The following DYRK4 variants were observed in gnomAD, a reference collection of about 807,000 sequenced individuals.
DYRK4 encodes dual specificity tyrosine phosphorylation regulated kinase 4.
DYRK4 carries 64 observed loss-of-function variants against 68.3 expected under a neutral mutation model. That is an observed-to-expected ratio of 0.94 (90% confidence interval 0.77 to 1.15). The LOEUF (loss-of-function observed/expected upper bound fraction) is 1.15. DYRK4 is among the 50% of genes most tolerant of loss of function. DYRK4 has a pLI of 0.00. For synonymous variants in DYRK4, 274 were observed against 289.9 expected (o/e 0.95, Z 0.56); for missense variants, 740 against 764.7 (o/e 0.97, Z 0.38).
intron 2 of DYRK4, among the ~76,000 whole-genome samples, chr12:4,576,668 C>T (rs890321300): frequency 2.0e-5 from 3 of 152,176 alleles, no homozygotes; most frequent in South Asian, 2.1e-4. Context: ...CACCTCCTTG[C>T]CAGCATTTGG....
intron 10 of DYRK4, chr12:4,603,399 C>A: frequency 2.2e-6 from 1 of 447,694 alleles, no homozygotes. Flanking sequence ...TCTTTTGAAT[C>A]AGTCTCTTTA....
intron 10 of DYRK4, 156 bp from the exon 11 acceptor site, chr12:4,604,758 C>A: frequency 2.6e-6 from 2 of 777,806 alleles, no homozygotes; most frequent in Non-Finnish European, 3.7e-6. Context: ...GGATTTGATG[C>A]TGTGATGGTG....
chr12:4,592,820 C>T (rs1200473959), intron 5 of DYRK4, 182 bp from the exon 6 acceptor site: 8 of 620,888 alleles, frequency 1.3e-5, no homozygotes, highest in Non-Finnish European at 2.2e-5. Context: ...AAATACAAGA[C>T]CTTGACATTT....
intron 11 of DYRK4, 91 bp downstream of exon 11, chr12:4,605,177 C>T: frequency 8.6e-7 from 1 of 1,169,482 alleles, no homozygotes; most frequent in Non-Finnish European, 1.2e-6. Flanking sequence ...GGACCATGGC[C>T]TGCATACCTT....
chr12:4,583,998 T>C (rs1944869541), intron 2 of DYRK4, among the ~76,000 whole-genome samples: 2 of 152,168 alleles, frequency 1.3e-5, no homozygotes, highest in African/African-American at 2.4e-5. Flanking sequence ...GGCTGGCACA[T>C]TGTGGAAAGC....
At chr12:4,588,753 G>C (rs573030807) in intron 2 of DYRK4, among the ~76,000 whole-genome samples, 184 bp from the exon 3 acceptor site, 62 of 152,176 alleles carry the variant, frequency 4.1e-4, no homozygotes, top group Non-Finnish European at 6.9e-4. Context: ...AAGATCATTT[G>C]TTTGGATAAT....
chr12:4,590,467 G>A (rs2137361548), intron 4 of DYRK4, 27 bp downstream of exon 4: 2 of 1,532,546 alleles, frequency 1.3e-6, no homozygotes, highest in South Asian at 1.2e-5. Context: ...TGGACCCTGA[G>A]AAGGCAGGTG....
At chr12:4,597,916 A>G (rs922604875) in intron 8 of DYRK4, among the ~76,000 whole-genome samples, 9 of 151,798 alleles carry the variant, frequency 5.9e-5, no homozygotes, top group Non-Finnish European at 1.2e-4. Flanking sequence ...CTCTACTAAA[A>G]ATAGCCGGGC....
intron 1 of DYRK4, among the ~76,000 whole-genome samples, chr12:4,563,373 C>T (rs1944647765): frequency 6.6e-6 from 1 of 152,204 alleles, no homozygotes; most frequent in South Asian, 2.1e-4. Flanking sequence ...ATATTGTTGC[C>T]TGCAACTTGG....
chr12:4,598,745 A>G (rs895616455), intron 8 of DYRK4, among the ~76,000 whole-genome samples: 4 of 152,158 alleles, frequency 2.6e-5, no homozygotes, highest in African/African-American at 9.7e-5. Context: ...ACTATTTCAG[A>G]AGTTTGGGCC....
intron 2 of DYRK4, among the ~76,000 whole-genome samples, chr12:4,573,932 A>G (rs1317764388): frequency 6.6e-6 from 1 of 152,204 alleles, no homozygotes; most frequent in East Asian, 1.9e-4. Context: ...AGGTTTTAAG[A>G]AAGCAGTCCC....
intron 8 of DYRK4, chr12:4,596,985 A>C: frequency 7.5e-7 from 1 of 1,327,684 alleles, no homozygotes; most frequent in Middle Eastern, 2.9e-4. Context: ...TGACATGACC[A>C]AAACAAGGCC....
chr12:4,571,421 G>T (rs536429712), intron 2 of DYRK4, among the ~76,000 whole-genome samples: 3 of 152,176 alleles, frequency 2.0e-5, no homozygotes, highest in African/African-American at 7.2e-5. Flanking sequence ...TTTATTGTCT[G>T]TCTTGCCCTC....
chr12:4,591,286 C>G lies in DYRK4; in HGVS notation c.451C>G (p.Leu151Val). The change falls in exon 5 of 15, where the codon CTG (leucine) becomes GTG (valine). Residue 151 changes from leucine to valine, a missense_variant. By Grantham distance (32) the Leu-to-Val change is conservative. Transcript: ENST00000543431. This position sits in a 1 kb window ranked among gnomAD's most constrained non-coding sequence, Gnocchi z 4.1. ...EKSPKKQKVT[L>V]TAAEALKLFK... is the part of the protein sequence containing the mutation. ...GTCACCAAAGAAGCAAAAGGTGACTCTGACAGCGGCAGGTATGCCTTTGGG... is the reference window on the plus strand; with the variant it reads ...GTCACCAAAGAAGCAAAAGGTGACTGTGACAGCGGCAGGTATGCCTTTGGG... 1 of 1,614,014 alleles carries G rather than the reference C, an allele frequency of 6.2e-7. No individual in the cohort carries two copies. The highest frequency in any genetic ancestry group is 8.5e-7 in the Non-Finnish European group (1 of 1,179,962).
chr12:4,599,661 A>T, intron 9 of DYRK4, 46 bp from the exon 10 acceptor site: 1 of 1,483,374 alleles, frequency 6.7e-7, no homozygotes, highest in Non-Finnish European at 9.4e-7. Flanking sequence ...TAGAGGGCCT[A>T]GGGCCGCATT....
At chr12:4,569,210 G>A (rs374522853) in intron 2 of DYRK4, among the ~76,000 whole-genome samples, 104 of 152,204 alleles carry the variant, frequency 6.8e-4, no homozygotes, top group Middle Eastern at 3.4e-3. Context: ...AACAAAACAC[G>A]TTTATTTTGC....
At chr12:4,576,604 C>T (rs1944791906) in intron 2 of DYRK4, among the ~76,000 whole-genome samples, 1 of 152,230 alleles carries the variant, frequency 6.6e-6, no homozygotes, top group Admixed American at 6.5e-5. Flanking sequence ...GTCTTCCAAA[C>T]AAGCTGTACC....
chr12:4,564,684 A>G (rs941624629), intron 1 of DYRK4, among the ~76,000 whole-genome samples: 22 of 152,304 alleles, frequency 1.4e-4, no homozygotes, highest in Middle Eastern at 6.8e-3. Context: ...TGAATCCTCC[A>G]TGCTTAGCCC....
At chr12:4,601,384 G>T (rs1945078234) in intron 10 of DYRK4, among the ~76,000 whole-genome samples, 1 of 152,180 alleles carries the variant, frequency 6.6e-6, no homozygotes, top group Non-Finnish European at 1.5e-5. Context: ...GATTACAGAT[G>T]TTCTCATAGA....
Sources: gnomAD v4.1 joint callset for allele counts (sites outside exome capture counted in the v4.1 genomes callset) on GRCh38, gnomAD v4.1.1 for gene constraint, Gnocchi (gnomAD v3.1) non-coding constraint, MANE v1.5 for transcripts, NCBI Gene and HGNC (gene_info 2026-07-23, HGNC 2026-07-21) for gene names.